The following ASPSCR1 variants were observed in gnomAD, a reference collection of about 807,000 sequenced individuals.
ASPSCR1 encodes ASPSCR1 tether for SLC2A4, UBX domain containing.
A neutral mutation model predicts 68.9 loss-of-function variants in ASPSCR1; 55 were observed. The ratio of observed to expected loss-of-function variants is 0.80; its 90% CI spans 0.64 to 1.00. ASPSCR1 has a LOEUF of 1.00. Ranked by LOEUF, ASPSCR1 falls within the 50% of genes least tolerant of loss-of-function variation. The probability of loss-of-function intolerance (pLI) is 0.00; values close to 1 mark genes in which losing one functional copy is unlikely to be tolerated. For synonymous variants in ASPSCR1, 352 were observed against 332.6 expected, an observed-to-expected ratio of 1.06 and a Z score of -0.63; for missense variants, 765 against 762.2, an observed-to-expected ratio of 1.00 and a Z score of -0.04.
intron 7 of ASPSCR1, among the ~76,000 whole-genome samples, chr17:81,998,718 C>G (rs1490563099): frequency 6.6e-6 from 1 of 152,278 alleles, no homozygotes; most frequent in African/African-American, 2.4e-5. Context: ...TTTCCTTGCT[C>G]TGTCTTCATC....
At chr17:81,979,294 CT>C in intron 2 of ASPSCR1, 55 bp downstream of exon 2, 1 of 1,566,284 alleles carries the variant, frequency 6.4e-7, no homozygotes, top group East Asian at 2.2e-5. Flanking sequence ...CCCCTGCCCC[CT>C]GAACATACTG....
chr17:81,985,082 A>C (rs901047155), intron 3 of ASPSCR1, among the ~76,000 whole-genome samples: 3 of 128,776 alleles, frequency 2.3e-5, no homozygotes, highest in Non-Finnish European at 3.2e-5. Context: ...GTACACACAC[A>C]CCTACACATC....
Position 81,986,211 on chromosome 17 carries a change from C to T in ASPSCR1, c.374+604C>T, listed in dbSNP as rs756599249. On this transcript the variant is annotated intron_variant, in intron 4 of 15. Coordinates refer to ENST00000306739, the MANE Select transcript of ASPSCR1 (RefSeq NM_024083.4). The surrounding 1 kb of genome is among the most constrained non-coding windows in gnomAD (Gnocchi z 5.2). ...GGCCGAGGCTGGCGAATCGCTTGAG[C>T]TCATGAGTTCAAGACTAGCCTCGGC... Among the ~76,000 whole-genome samples the T allele has an allele frequency of 3.9e-5, 6 of 152,106 alleles. No individual in the cohort carries two copies. The highest frequency in any genetic ancestry group is 7.3e-5 in the Non-Finnish European group (5 of 68,032).
intron 10 of ASPSCR1, among the ~76,000 whole-genome samples, chr17:82,011,225 C>G (rs932229956): frequency 2.6e-5 from 4 of 151,836 alleles, no homozygotes; most frequent in Admixed American, 2.6e-4. Flanking sequence ...TGACCTGTAC[C>G]CAGACGGCCG....
At chr17:81,993,908 G>A (rs552590522) in intron 4 of ASPSCR1, among the ~76,000 whole-genome samples, 4 of 152,376 alleles carry the variant, frequency 2.6e-5, no homozygotes, top group African/African-American at 9.6e-5. Context: ...CTTTGCCTAG[G>A]CTCTGGCCAT....
chr17:81,984,711 GC>G (rs2041908490), intron 3 of ASPSCR1, among the ~76,000 whole-genome samples: 1 of 151,818 alleles, frequency 6.6e-6, no homozygotes, highest in Non-Finnish European at 1.5e-5. Context: ...ATCTTTTGAA[GC>G]CCCCACTGGG....
At chr17:82,008,742 A>G (rs1476910822) in intron 7 of ASPSCR1, 1 of 342,222 alleles carries the variant, frequency 2.9e-6, no homozygotes, top group Non-Finnish European at 5.3e-6. Flanking sequence ...CCTGAGCCAG[A>G]CTCCAGGGGC....
chr17:82,016,674 A>G (rs774425226), intron 13 of ASPSCR1, 126 bp from the exon 14 acceptor site: 84 of 1,440,512 alleles, frequency 5.8e-5, no homozygotes, highest in Non-Finnish European at 7.7e-5. Context: ...CCTCCCCGAG[A>G]GAGGACTGGG....
intron 7 of ASPSCR1, among the ~76,000 whole-genome samples, chr17:82,003,000 G>A (rs2042586964): frequency 6.6e-6 from 1 of 152,060 alleles, no homozygotes; most frequent in Non-Finnish European, 1.5e-5. Context: ...TCAGCCTCCT[G>A]AATAGCTGGG....
At chr17:81,988,631 A>G (rs2042071089) in intron 4 of ASPSCR1, among the ~76,000 whole-genome samples, 1 of 151,834 alleles carries the variant, frequency 6.6e-6, no homozygotes, top group Non-Finnish European at 1.5e-5. Flanking sequence ...TTTGATGAAC[A>G]CTCACACCTG....
intron 9 of ASPSCR1, among the ~76,000 whole-genome samples, chr17:82,010,528 CAAA>C (rs1193895939): frequency 1.7e-5 from 1 of 57,178 alleles, no homozygotes; most frequent in Admixed American, 1.6e-4. Flanking sequence ...GACTCCATCT[CAAA>C]AAAAAAAAAA....
At chr17:82,000,145 C>T (rs1385438312) in intron 7 of ASPSCR1, among the ~76,000 whole-genome samples, 1 of 152,264 alleles carries the variant, frequency 6.6e-6, no homozygotes, top group Non-Finnish European at 1.5e-5. Flanking sequence ...GGGGACCCCT[C>T]AGTGTGAGAG....
chr17:81,980,997 T>G (rs914719001), intron 2 of ASPSCR1, among the ~76,000 whole-genome samples: 2 of 152,116 alleles, frequency 1.3e-5, no homozygotes, highest in African/African-American at 2.4e-5. Flanking sequence ...AGACCCTGTC[T>G]CTACAAAAAA....
intron 12 of ASPSCR1, chr17:82,014,839 C>T: frequency 3.4e-6 from 2 of 586,408 alleles, no homozygotes; most frequent in South Asian, 2.1e-5. Context: ...GGATTTGGGG[C>T]CCCAGTGTCC....
chr17:81,995,957 G>A (rs758930108), intron 5 of ASPSCR1, 35 bp from the exon 6 acceptor site: 6 of 1,598,122 alleles, frequency 3.8e-6, no homozygotes, highest in East Asian at 2.3e-5. Context: ...GGGTCCCGGT[G>A]CAAGGCGCAC....
chr17:82,016,768 G>A, intron 13 of ASPSCR1, 32 bp from the exon 14 acceptor site: 1 of 1,599,760 alleles, frequency 6.3e-7, no homozygotes, highest in Non-Finnish European at 8.5e-7. Context: ...CCCCTCCTCA[G>A]AGGCTCAGGG....
chr17:82,001,105 T>A (rs1163817053), intron 7 of ASPSCR1, among the ~76,000 whole-genome samples: 1 of 152,104 alleles, frequency 6.6e-6, no homozygotes, highest in Non-Finnish European at 1.5e-5. Flanking sequence ...GGTGTGGGAC[T>A]CGTGGGGCGG....
At position 81,983,851 on chromosome 17, in the gene ASPSCR1, G is replaced by T. The variant is rs80286701; in HGVS notation, c.273+183G>T. 0.028 allele frequency among the ~76,000 whole-genome samples: 4,240 copies of T among 151,778 alleles called. 101 individuals carry two copies. The highest frequency in any genetic ancestry group is 0.14 in the South Asian group (668 of 4,794). On this transcript the variant is annotated intron_variant, in intron 3 of 15. Coordinates refer to ENST00000306739, the MANE Select transcript of ASPSCR1 (RefSeq NM_024083.4). This position sits in a 1 kb window ranked among gnomAD's most constrained non-coding sequence, Gnocchi z 4.4. ...TTTTTGATAACTGGCAACTGAAAAT[G>T]AGCATCTCATGTTTTTTTTTTTTTG...
At position 81,977,826 on chromosome 17, in the gene ASPSCR1, T is replaced by G; in HGVS notation, c.102+78T>G. The G allele has an allele frequency of 9.1e-7, 1 of 1,094,582 alleles. No individual in the cohort carries two copies. The highest frequency in any genetic ancestry group is 1.1e-6 in the Non-Finnish European group (1 of 874,846). The allele number at this position is 1,094,582 out of a possible 1,614,324, so 67.8% of individuals were successfully genotyped here. On this transcript the variant is annotated intron_variant, in intron 1 of 15. Transcript: ENST00000306739. This position sits in a 1 kb window ranked among gnomAD's most constrained non-coding sequence, Gnocchi z 5.0. Reference sequence around the variant, plus strand: ...GAGGCCCCGCCCATTGCGGTCGGCGTCCCGGTGTTCGGGGGCGGGGCCTCG... The same window carrying G: ...GAGGCCCCGCCCATTGCGGTCGGCGGCCCGGTGTTCGGGGGCGGGGCCTCG...
Sources: allele counts gnomAD v4.1 joint callset (sites outside exome capture counted in the v4.1 genomes callset), GRCh38; gene constraint gnomAD v4.1.1; non-coding constraint Gnocchi (gnomAD v3.1); transcripts MANE v1.5; gene names NCBI Gene and HGNC (gene_info 2026-07-23, HGNC 2026-07-21).